The following SYF2 variants were observed in gnomAD, a reference collection of about 807,000 sequenced individuals.
The protein encoded by SYF2 is pre-mRNA-splicing factor SYF2.
SYF2 carries 21 observed loss-of-function variants against 32.7 expected under a neutral mutation model. The ratio of observed to expected loss-of-function variants is 0.64; its 90% CI spans 0.45 to 0.92. SYF2 has a LOEUF of 0.92. Ranked by LOEUF, SYF2 falls within the 40% of genes least tolerant of loss-of-function variation. The pLI, the probability that SYF2 is intolerant of heterozygous loss-of-function variation, is 0.00. For synonymous variants in SYF2, 114 were observed against 103.9 expected (o/e 1.10, Z -0.59); for missense variants, 278 against 296.5 (o/e 0.94, Z 0.46).
At chr1:25,226,446 C>A (rs1210233562) in intron 5 of SYF2, among the ~76,000 whole-genome samples, 1 of 152,204 alleles carries the variant, frequency 6.6e-6, no homozygotes, top group African/African-American at 2.4e-5. Flanking sequence ...AGCAGCACAG[C>A]TGAATAGCTG....
intron 5 of SYF2, among the ~76,000 whole-genome samples, chr1:25,225,782 C>T (rs1196732277): frequency 1.1e-4 from 17 of 150,938 alleles, no homozygotes; most frequent in Non-Finnish European, 2.4e-4. Context: ...TGCTTGAACC[C>T]GGGAGGCGGA....
intron 5 of SYF2, among the ~76,000 whole-genome samples, chr1:25,225,785 G>A (rs1252993228): frequency 4.0e-5 from 6 of 151,596 alleles, no homozygotes; most frequent in African/African-American, 1.5e-4. Flanking sequence ...TTGAACCCGG[G>A]AGGCGGAGGT....
chr1:25,227,541 A>G lies in SYF2; in HGVS notation c.377-9T>C, dbSNP rs79081277. On this transcript the variant is annotated splice_polypyrimidine_tract_variant and intron_variant, in intron 4 of 6. Coordinates refer to ENST00000236273, the MANE Select transcript of SYF2 (RefSeq NM_015484.5). ...CTGGGCAGCAGCATAATCTAAAAAT[A>G]TAAAATGAGAATCAGCGATAATATA... 2,517 of 1,609,914 alleles carry G rather than the reference A, an allele frequency of 1.6e-3. 30 individuals are homozygous for G. The African/African-American group carries it at 0.025, about 16-fold the overall frequency.
intron 2 of SYF2, among the ~76,000 whole-genome samples, chr1:25,229,903 G>A (rs370619453): frequency 6.0e-5 from 9 of 151,234 alleles, no homozygotes; most frequent in African/African-American, 1.7e-4. Flanking sequence ...TTCAACTTTC[G>A]CCTCTGGGGT....
chr1:25,227,383 G>GTA (rs1571489326), intron 5 of SYF2, 59 bp downstream of exon 5: 3 of 1,307,580 alleles, frequency 2.3e-6, no homozygotes, highest in Middle Eastern at 1.8e-4. Context: ...TTATGTACAT[G>GTA]TATACACACA....
chr1:25,225,291 G>T (rs1442257057), intron 5 of SYF2, among the ~76,000 whole-genome samples, 191 bp from the exon 6 acceptor site: 1 of 152,108 alleles, frequency 6.6e-6, no homozygotes, highest in Non-Finnish European at 1.5e-5. Flanking sequence ...ACTTTGGGAG[G>T]CCAAGGCAGG....
rs2124512594 is a variant in SYF2, at chr1:25,229,108, A to G, written c.148T>C (p.Leu50=). 1 of 1,611,872 alleles carries G rather than the reference A, an allele frequency of 6.2e-7. No homozygotes were observed. The highest frequency in any genetic ancestry group is 8.5e-7 in the Non-Finnish European group (1 of 1,179,544). ...LHLMRNEARK[L]NHQEVVEEDK... ...TCTTCCACAACTTCCTGGTGATTTA[A>G]TTTACGAGCTTCATTCTAAAACCGT... The change falls in exon 3 of 7, where the codon TTA becomes CTA. Residue 50 remains leucine (L), a synonymous_variant. Coordinates refer to ENST00000236273, the MANE Select transcript of SYF2 (RefSeq NM_015484.5).
chr1:25,231,586 G>T (rs1478290801), intron 2 of SYF2: 1 of 162,744 alleles, frequency 6.1e-6, no homozygotes, highest in African/African-American at 2.4e-5. Flanking sequence ...TCAACTGGCT[G>T]AACTACCACA....
intron 5 of SYF2, among the ~76,000 whole-genome samples, chr1:25,225,857 C>CA (rs554935229): frequency 0.036 from 4,330 of 119,220 alleles, 189 homozygotes; most frequent in African/African-American, 0.12. Context: ...GACTCTGTCT[C>CA]AAAAAAAAAA....
intron 3 of SYF2, 97 bp downstream of exon 3, chr1:25,228,901 T>C: frequency 6.9e-7 from 1 of 1,440,360 alleles, no homozygotes; most frequent in Non-Finnish European, 9.3e-7. Context: ...TCTGGCAGCT[T>C]GGCCTAAGAG....
rs760643218 is a variant in SYF2 at position 25,228,171 on chromosome 1, G to C, written c.323C>G (p.Ala108Gly). 1.2e-6 allele frequency: 2 copies of C among 1,613,654 alleles called. No homozygotes were observed. The highest frequency in any genetic ancestry group is 2.2e-5 in the South Asian group (2 of 91,068). Residue 108 changes from alanine to glycine, a missense_variant, in exon 4 of 7, where the codon GCA becomes GGA. Coordinates refer to ENST00000236273, the MANE Select transcript of SYF2 (RefSeq NM_015484.5). ...VKLLEISAED[A>G]ERWERKKKRK... is the part of the protein sequence containing the mutation. ...CTTCTTTTTCCTCTCCCATCTTTCT[G>C]CATCTTCTGCACTGATCTCCAGCAA...
Position 25,229,139 on chromosome 1 carries a change from A to G in SYF2, c.133-16T>C. 6.2e-7 allele frequency: 1 copy of G among 1,607,680 alleles called. No individual in the cohort carries two copies. The highest frequency in any genetic ancestry group is 8.5e-7 in the Non-Finnish European group (1 of 1,178,088). On this transcript the variant is annotated splice_polypyrimidine_tract_variant and intron_variant, in intron 2 of 6. Coordinates refer to ENST00000236273, the MANE Select transcript of SYF2 (RefSeq NM_015484.5). ...GAGCTTCATTCTAAAACCGTAACACAAGAAGTCTGTCAGCTAAAACATGAA... is the reference window on the plus strand; with the variant it reads ...GAGCTTCATTCTAAAACCGTAACACGAGAAGTCTGTCAGCTAAAACATGAA...
At chr1:25,225,389 G>A (rs548642233) in intron 5 of SYF2, among the ~76,000 whole-genome samples, 22 of 151,902 alleles carry the variant, frequency 1.4e-4, no homozygotes, top group African/African-American at 2.4e-4. Context: ...TTAGCCGGGC[G>A]TGGTGACACA....
At chr1:25,231,199 A>G (rs953421236) in intron 2 of SYF2, 1 of 152,208 alleles carries the variant, frequency 6.6e-6, no homozygotes, top group African/African-American at 2.4e-5. Flanking sequence ...GTCAGAAGAA[A>G]GAAATATGTG....
intron 2 of SYF2, chr1:25,231,620 ATTTT>A (rs956600303): frequency 5.9e-6 from 1 of 168,370 alleles, no homozygotes; most frequent in Non-Finnish European, 1.3e-5. Context: ...AAAGTTTGCC[ATTTT>A]TTTTATTTTC....
intron 2 of SYF2, chr1:25,231,003 T>A (rs1638618057): frequency 6.6e-6 from 1 of 152,246 alleles, no homozygotes; most frequent in African/African-American, 2.4e-5. Flanking sequence ...AGACGGGGTT[T>A]CACCGTGTTA....
chr1:25,228,637 C>T (rs1638565287), intron 3 of SYF2, among the ~76,000 whole-genome samples: 1 of 152,096 alleles, frequency 6.6e-6, no homozygotes, highest in South Asian at 2.1e-4. Context: ...CACCCGGCCA[C>T]TTTAATAGCA....
rs200709298 is a variant in SYF2, at chr1:25,232,450, T to A, written c.18A>T (p.Ala6=). Reference sequence around the variant, plus strand: ...TACGGTGGGTGGAACTCACCTCGGATGCAGCTATAGCCGCCATCACAACCT... The same window carrying A: ...TACGGTGGGTGGAACTCACCTCGGAAGCAGCTATAGCCGCCATCACAACCT... MAAIA[A]SEVLVDSAEE... The change falls in exon 1 of 7, where the codon GCA becomes GCT. Residue 6 remains alanine (A), a synonymous_variant. Coordinates refer to ENST00000236273, the MANE Select transcript of SYF2 (RefSeq NM_015484.5). 5.6e-5 allele frequency: 90 copies of A among 1,614,092 alleles called. No individual in the cohort carries two copies. The highest frequency in any genetic ancestry group is 7.4e-5 in the Non-Finnish European group (87 of 1,180,042).
chr1:25,228,184 T>C lies in SYF2; in HGVS notation c.310A>G (p.Ser104Gly), dbSNP rs753995018. Residue 104 changes from serine (S) to glycine (G), a missense_variant, in exon 4 of 7, where the codon AGT (serine) becomes GGT (glycine). By Grantham distance (56) the Ser-to-Gly change is moderately conservative. Coordinates refer to ENST00000236273, the MANE Select transcript of SYF2 (RefSeq NM_015484.5). ...DYEKVKLLEI[S>G]AEDAERWERK... ...TCCCATCTTTCTGCATCTTCTGCAC[T>C]GATCTCCAGCAACTTCACTTTCTCA... The C allele has an allele frequency of 6.2e-7, 1 of 1,613,888 alleles. No individual in the cohort carries two copies. Among genetic ancestry groups the C allele is most frequent in the East Asian group, 2.2e-5 (1 of 44,868 alleles).
Sources: gnomAD v4.1 joint callset for allele counts (sites outside exome capture counted in the v4.1 genomes callset) on GRCh38, gnomAD v4.1.1 for gene constraint, MANE v1.5 for transcripts, NCBI Gene and HGNC (gene_info 2026-07-23, HGNC 2026-07-21) for gene names.